Variants in DARS2 observed in about 807,000 individuals in gnomAD.
DARS2 encodes aspartyl-tRNA synthetase 2, mitochondrial, also known as aspartate--tRNA ligase, mitochondrial.
In DARS2, 63 loss-of-function variants were observed where a neutral mutation model predicts 83.0. The observed-to-expected ratio is 0.76, with a 90% CI of 0.62 to 0.94. The LOEUF is 0.94. DARS2 is among the 40% of genes least tolerant of loss of function. The pLI is 0.00. For missense variants in DARS2, 675 were observed against 774.4 expected (o/e 0.87, Z 1.52); for synonymous variants, 250 against 269.3 (o/e 0.93, Z 0.70).
At chr1:173,855,227 C>T (rs1399805169) in intron 15 of DARS2, among the ~76,000 whole-genome samples, 1 of 151,858 alleles carries the variant, frequency 6.6e-6, no homozygotes, top group Admixed American at 6.6e-5. Flanking sequence ...CCTCAGCCTC[C>T]TGAGTAGCTG....
rs1250865347 is a variant in DARS2 at position 173,838,279 on chromosome 1, T to G, written c.840+20T>G. The G allele has an allele frequency of 1.9e-5, 31 of 1,594,862 alleles. No individual in the cohort carries two copies. The highest frequency in any genetic ancestry group is 2.7e-5 in the Non-Finnish European group (31 of 1,162,800). ...ACTCAGGTACAAAGTTATATTCACT[T>G]GTTTCTTAAAATTCAGGCTTACTAT... On this transcript the variant is annotated intron_variant, in intron 9 of 16. Coordinates refer to ENST00000649689, the MANE Select transcript of DARS2 (RefSeq NM_018122.5).
At chr1:173,847,772 TGA>T (rs1394588242) in intron 12 of DARS2, among the ~76,000 whole-genome samples, 1 of 151,630 alleles carries the variant, frequency 6.6e-6, no homozygotes, top group Non-Finnish European at 1.5e-5. Context: ...CTTCCTGTCA[TGA>T]GAGATGAGGC....
In DARS2 at chr1:173,824,930, GCT is replaced by G; in HGVS notation, c.-294_-293del. 1 of 362,696 alleles carries G rather than the reference GCT, an allele frequency of 2.8e-6. No homozygotes were observed. The highest frequency in any genetic ancestry group is 2.2e-5 in the South Asian group (1 of 45,456). The allele number at this position is 362,696 out of a possible 1,614,324, so 22.5% of individuals were successfully genotyped here. On this transcript the variant is annotated 5_prime_UTR_variant, in exon 1 of 17. Coordinates refer to ENST00000649689, the MANE Select transcript of DARS2 (RefSeq NM_018122.5). ...GCGCCTGGCGCCGCTACGTGGAGTC[GCT>G]CTCTCGTCGTCACTTTTGGCTGCCG...
At chr1:173,840,256 T>C (rs1310950869) in intron 10 of DARS2, among the ~76,000 whole-genome samples, 1 of 152,264 alleles carries the variant, frequency 6.6e-6, no homozygotes, top group Non-Finnish European at 1.5e-5. Flanking sequence ...TGTATTTTTT[T>C]GAGACGTAGT....
In DARS2 at chr1:173,842,317, T is replaced by TTTTTTTTTTTTG. The variant is rs1304745729; in HGVS notation, c.1128+1344_1128+1345insTTTTTTTTTTTG. On this transcript the variant is annotated intron_variant, in intron 11 of 16. Coordinates refer to ENST00000649689, the MANE Select transcript of DARS2 (RefSeq NM_018122.5). ...TTTTTTTTTTTTTTTTTTTTTTTTT[T>TTTTTTTTTTTTG]AGAGTGAGTCTTGCTCTGTCGCCCA... Among the ~76,000 whole-genome samples the TTTTTTTTTTTTG allele has an allele frequency of 9.3e-4, 108 of 116,622 alleles. 23 individuals carry two copies. Among genetic ancestry groups the TTTTTTTTTTTTG allele is most frequent in the African/African-American group, 4.2e-3 (98 of 23,534 alleles). 76.5% of individuals were successfully genotyped at this position (116,622 alleles called of 152,430 possible). A position where few individuals can be genotyped will look rare whatever the true frequency, so the allele number is the denominator to read the frequency against.
chr1:173,830,592 C>T, intron 3 of DARS2, 68 bp from the exon 4 acceptor site: 2 of 1,300,010 alleles, frequency 1.5e-6, no homozygotes, highest in Non-Finnish European at 2.2e-6. Flanking sequence ...AAACCATCTA[C>T]TTATAATTAC....
chr1:173,825,825 A>G (rs1652509948), intron 1 of DARS2, among the ~76,000 whole-genome samples: 1 of 150,896 alleles, frequency 6.6e-6, no homozygotes, highest in Non-Finnish European at 1.5e-5. Context: ...CACTCTCATT[A>G]TATTCATTAT....
intron 12 of DARS2, among the ~76,000 whole-genome samples, chr1:173,846,941 C>T (rs1021706450): frequency 6.6e-6 from 1 of 151,986 alleles, no homozygotes; most frequent in African/African-American, 2.4e-5. Context: ...AGGAAAAATG[C>T]TCTTATAATG....
In DARS2 at chr1:173,831,593, G is replaced by T. The variant is rs121918208; in HGVS notation, c.455G>T (p.Cys152Phe). The part of the protein sequence containing the change: ...KVKTAELLNA[C>F]KKLPFEIKNF... Reference sequence around the variant, plus strand: ...AAAACAGCTGAGCTTCTGAATGCCTGCAAGAAGCTGCCCTTTGAAATTAAG... The same window carrying T: ...AAAACAGCTGAGCTTCTGAATGCCTTCAAGAAGCTGCCCTTTGAAATTAAG... The change falls in exon 5 of 17, where the codon TGC (cysteine) becomes TTC (phenylalanine). Residue 152 changes from cysteine (C) to phenylalanine (F), a missense_variant. Physicochemically the swap from Cys to Phe is radical, Grantham distance 205. Transcript: ENST00000649689. 173 of 1,613,926 alleles carry T rather than the reference G, an allele frequency of 1.1e-4. No individual in the cohort carries two copies. Among genetic ancestry groups the T allele is most frequent in the Non-Finnish European group, 1.4e-4 (167 of 1,179,920 alleles).
At chr1:173,853,614 G>T in intron 14 of DARS2, 47 bp downstream of exon 14, 1 of 1,604,996 alleles carries the variant, frequency 6.2e-7, no homozygotes, top group South Asian at 1.1e-5. Context: ...GTATATAAAG[G>T]CAAAGAACTT....
intron 12 of DARS2, among the ~76,000 whole-genome samples, chr1:173,846,431 G>A (rs1653438891): frequency 6.6e-6 from 1 of 152,040 alleles, no homozygotes; most frequent in Non-Finnish European, 1.5e-5. Flanking sequence ...GTTCAAGGCT[G>A]CAGTGAGCTA....
Position 173,850,390 on chromosome 1 carries a change from A to G in DARS2, c.1255A>G (p.Met419Val), listed in dbSNP as rs777486345. ...NWNSPVANFI[M>V]ESQRLELIRL... The stretch of plus-strand genomic sequence containing the variant: ...GAATTCTCCAGTTGCTAATTTCATA[A>G]TGGAGTCACAAAGACTGGAATTAAT... The change falls in exon 13 of 17, where the codon ATG (methionine) becomes GTG (valine). Residue 419 changes from methionine (M) to valine (V), a missense_variant. Transcript: ENST00000649689. 7.4e-6 allele frequency: 12 copies of G among 1,613,746 alleles called. No individual in the cohort carries two copies. Among genetic ancestry groups the G allele is most frequent in the Non-Finnish European group, 1.0e-5 (12 of 1,179,912 alleles).
At chr1:173,833,317 GATA>G in intron 5 of DARS2, 56 bp from the exon 6 acceptor site, 1 of 1,466,018 alleles carries the variant, frequency 6.8e-7, no homozygotes, top group East Asian at 2.5e-5. Flanking sequence ...TCTTTCTAAA[GATA>G]ATACCTTTCT....
In DARS2 at chr1:173,836,733, G is replaced by A. The variant is rs560589649; in HGVS notation, c.664-207G>A. On this transcript the variant is annotated intron_variant, in intron 7 of 16. Coordinates refer to ENST00000649689, the MANE Select transcript of DARS2 (RefSeq NM_018122.5). The stretch of plus-strand genomic sequence containing the variant: ...CGCAAGCATAAACTTAACACCTACC[G>A]TATACAATGGTGTTTAAAGTCTACT... Among the ~76,000 whole-genome samples, 16 of 152,150 alleles carry A rather than the reference G, an allele frequency of 1.1e-4. No individual in the cohort carries two copies. The East Asian group carries it at 2.1e-3, about 20-fold the overall frequency.
Position 173,833,959 on chromosome 1 carries a change from A to G in DARS2, c.616+460A>G, listed in dbSNP as rs150259288. ...AAATTTTTTGTAGAGACAGGGTCTC[A>G]TTATGTTGCCCAGGCTGGTCTCAAA... On this transcript the variant is annotated intron_variant, in intron 6 of 16. Transcript: ENST00000649689. Among the ~76,000 whole-genome samples, 1,078 of 152,094 alleles carry G rather than the reference A, an allele frequency of 7.1e-3. 11 individuals are homozygous for G. Among genetic ancestry groups the G allele is most frequent in the African/African-American group, 0.023 (958 of 41,520 alleles).
rs1273731720 is a variant in DARS2, at chr1:173,833,306, C to G, written c.493-70C>G. On this transcript the variant is annotated intron_variant, in intron 5 of 16. Coordinates refer to ENST00000649689, the MANE Select transcript of DARS2 (RefSeq NM_018122.5). The stretch of plus-strand genomic sequence containing the variant: ...GAGCTAAAATTTTTGAAAATTCAAA[C>G]TCTTTCTAAAGATAATACCTTTCTA... 6 of 1,425,554 alleles carry G rather than the reference C, an allele frequency of 4.2e-6. No individual in the cohort carries two copies. The African/African-American group carries it at 7.2e-5, about 17-fold the overall frequency. The allele number at this position is 1,425,554 out of a possible 1,614,324, so 88.3% of individuals were successfully genotyped here. A position where few individuals can be genotyped will look rare whatever the true frequency, so the allele number is the denominator to read the frequency against.
At chr1:173,847,844 C>CTTT (rs1160841148) in intron 12 of DARS2, among the ~76,000 whole-genome samples, 377 of 78,638 alleles carry the variant, frequency 4.8e-3, no homozygotes, top group Non-Finnish European at 6.4e-3. Context: ...CTTTCTGAAC[C>CTTT]TTTTTTTTTT....
Position 173,828,363 on chromosome 1 carries a change from C to T in DARS2, c.258C>T (p.Phe86=), listed in dbSNP as rs1043805425. Reference sequence around the variant, plus strand: ...ACACATTCTTGGTCCTAAGAGATTTCGATGGGCTTGTTCAAGTTATCATTC... The same window carrying T: ...ACACATTCTTGGTCCTAAGAGATTTTGATGGGCTTGTTCAAGTTATCATTC... ...RQNTFLVLRD[F]DGLVQVIIPQ... The change falls in exon 3 of 17, where the codon TTC becomes TTT. Residue 86 remains phenylalanine (F), a synonymous_variant. Transcript: ENST00000649689. 4 of 1,542,884 alleles carry T rather than the reference C, an allele frequency of 2.6e-6. No individual in the cohort carries two copies. In the African/African-American group the frequency reaches 4.2e-5, roughly 16 times the overall value.
chr1:173,844,668 G>A (rs1411305455), intron 11 of DARS2, among the ~76,000 whole-genome samples: 3 of 13,846 alleles, frequency 2.2e-4, no homozygotes, highest in African/African-American at 4.1e-4. Flanking sequence ...AGACTCCATC[G>A]CAAAAAAAAA....
Sources: gnomAD v4.1 joint callset for allele counts (sites outside exome capture counted in the v4.1 genomes callset) on GRCh38, gnomAD v4.1.1 for gene constraint, MANE v1.5 for transcripts, NCBI Gene and HGNC (gene_info 2026-07-23, HGNC 2026-07-21) for gene names.